The following HDAC4 variants were observed in gnomAD, a reference collection of about 807,000 sequenced individuals.
The protein encoded by HDAC4 is histone deacetylase A.
HDAC4 carries 16 observed loss-of-function variants against 135.1 expected under a neutral mutation model. The observed-to-expected ratio is 0.12, with a 90% CI of 0.08 to 0.18. The LOEUF is 0.18. Among genes scored for constraint, HDAC4 ranks in the 10% least tolerant of loss-of-function variants. The pLI is 1.00. For missense variants in HDAC4, 1,143 were observed against 1,511.8 expected (o/e 0.76, Z 4.05); for synonymous variants, 685 against 653.4 (o/e 1.05, Z -0.74).
intron 2 of HDAC4, among the ~76,000 whole-genome samples, chr2:239,265,721 G>A (rs558667769): frequency 1.8e-4 from 27 of 152,360 alleles, no homozygotes; most frequent in African/African-American, 5.8e-4. Flanking sequence ...GCAGGCTCAA[G>A]GTCAGCCAGC....
At chr2:239,272,092 G>C (rs927541775) in intron 2 of HDAC4, among the ~76,000 whole-genome samples, 2 of 152,198 alleles carry the variant, frequency 1.3e-5, no homozygotes, top group Admixed American at 6.5e-5. Flanking sequence ...AAACAACTGT[G>C]GGAAAAGCGA....
chr2:239,325,942 G>A (rs990133820), intron 2 of HDAC4, among the ~76,000 whole-genome samples: 4 of 151,976 alleles, frequency 2.6e-5, no homozygotes, highest in Non-Finnish European at 4.4e-5. Context: ...CTCCAGGCTG[G>A]GCAACAGAGT....
intron 8 of HDAC4, among the ~76,000 whole-genome samples, chr2:239,143,866 T>C (rs1465386170): frequency 6.6e-6 from 1 of 152,250 alleles, no homozygotes; most frequent in Non-Finnish European, 1.5e-5. Flanking sequence ...ACATGTCCGC[T>C]GCCTCCCCTC....
chr2:239,058,151 T>G (rs1041696499), intron 24 of HDAC4, among the ~76,000 whole-genome samples: 1 of 152,334 alleles, frequency 6.6e-6, no homozygotes, highest in Middle Eastern at 3.4e-3. Context: ...GGCTTTGGTT[T>G]GCATGGAGGT....
chr2:239,249,193 G>C (rs1196311750), intron 2 of HDAC4, among the ~76,000 whole-genome samples: 1 of 152,236 alleles, frequency 6.6e-6, no homozygotes, highest in Admixed American at 6.5e-5. Flanking sequence ...GCAAGGCCTG[G>C]GAGGGGAACA....
At chr2:239,053,391 T>C in intron 26 of HDAC4, 69 bp downstream of exon 26, 1 of 1,575,772 alleles carries the variant, frequency 6.3e-7, no homozygotes, top group Non-Finnish European at 8.6e-7. Flanking sequence ...GTTCTGACCC[T>C]GAATAGTGTG....
chr2:239,214,453 T>A (rs2046512721), intron 3 of HDAC4, among the ~76,000 whole-genome samples: 1 of 152,202 alleles, frequency 6.6e-6, no homozygotes, highest in Non-Finnish European at 1.5e-5. Flanking sequence ...CGGGTAAGGT[T>A]ACACAGTCAC....
In HDAC4 at chr2:239,066,806, A is replaced by G. The variant is rs370484792; in HGVS notation, c.2919T>C (p.Ile973=). Residue 973 remains isoleucine, a synonymous_variant, in exon 24 of 27, where the codon ATT becomes ATC. Transcript: ENST00000543185. ...KQLMGLAGGR[I]VLALEGGHDL... is the part of the protein sequence containing the mutation. ...CGTGGCCTCCCTCGAGGGCCAGGAC[A>G]ATCCGGCCGCCAGCCAGGCCCATCA... 1.2e-6 allele frequency: 2 copies of G among 1,613,336 alleles called. No individual in the cohort carries two copies. The highest frequency in any genetic ancestry group is 2.7e-5 in the African/African-American group (2 of 74,924).
At chr2:239,280,280 C>T (rs185995104) in intron 2 of HDAC4, among the ~76,000 whole-genome samples, 67 of 152,270 alleles carry the variant, frequency 4.4e-4, no homozygotes, top group Non-Finnish European at 8.7e-4. Context: ...CTCGTACTCC[C>T]GAGACGCTGT....
chr2:239,271,153 G>A (rs1023521920), intron 2 of HDAC4, among the ~76,000 whole-genome samples: 1 of 152,140 alleles, frequency 6.6e-6, no homozygotes, highest in African/African-American at 2.4e-5. Flanking sequence ...TGCTCCGGTT[G>A]CCCAGGCTGG....
At chr2:239,176,172 C>T (rs1460885090) in intron 5 of HDAC4, among the ~76,000 whole-genome samples, 4 of 152,030 alleles carry the variant, frequency 2.6e-5, no homozygotes, top group African/African-American at 7.2e-5. Flanking sequence ...GCCCCCACTC[C>T]CTCCCTCTGC....
At chr2:239,255,377 T>C (rs767176974) in intron 2 of HDAC4, among the ~76,000 whole-genome samples, 19 of 152,048 alleles carry the variant, frequency 1.2e-4, no homozygotes, top group South Asian at 2.1e-4. Context: ...AAGAACAACA[T>C]AGACCTTAAA....
Position 239,052,810 on chromosome 2 carries a change from T to G in HDAC4, c.*287A>C. 2.1e-6 allele frequency: 1 copy of G among 467,884 alleles called. No individual in the cohort carries two copies. Among genetic ancestry groups the G allele is most frequent in the South Asian group, 3.0e-5 (1 of 33,084 alleles). The allele number at this position is 467,884 out of a possible 1,614,324, so 29.0% of individuals were successfully genotyped here. A position where few individuals can be genotyped will look rare whatever the true frequency, so the allele number is the denominator to read the frequency against. On this transcript the variant is annotated 3_prime_UTR_variant, in exon 27 of 27. Transcript: ENST00000543185. ...GGCTCCTTTCTTCCACGGCGTCCCT[T>G]GCGGGACCCGCCAGAGTGTGCTTGG...
At chr2:239,282,763 A>G (rs2050877531) in intron 2 of HDAC4, among the ~76,000 whole-genome samples, 1 of 149,338 alleles carries the variant, frequency 6.7e-6, no homozygotes, top group African/African-American at 2.5e-5. Context: ...CAATGTACAC[A>G]CCACTCTACA....
intron 2 of HDAC4, among the ~76,000 whole-genome samples, chr2:239,241,688 C>A (rs1266909671): frequency 6.6e-6 from 1 of 152,148 alleles, no homozygotes; most frequent in Non-Finnish European, 1.5e-5. Context: ...TTGCAGTGTT[C>A]CCTTTTATAT....
chr2:239,164,483 G>A (rs745844055), intron 5 of HDAC4, among the ~76,000 whole-genome samples: 2 of 152,228 alleles, frequency 1.3e-5, no homozygotes, highest in African/African-American at 4.8e-5. Context: ...AAGTGGGACC[G>A]AAGTCGAAAC....
At chr2:239,204,305 C>A (rs1460952650) in intron 3 of HDAC4, among the ~76,000 whole-genome samples, 2 of 152,206 alleles carry the variant, frequency 1.3e-5, no homozygotes, top group Non-Finnish European at 1.5e-5. Flanking sequence ...TGTGCCCGGG[C>A]CACGGGCCCT....
chr2:239,336,289 A>G (rs1691935133), intron 2 of HDAC4, among the ~76,000 whole-genome samples: 1 of 152,234 alleles, frequency 6.6e-6, no homozygotes, highest in Admixed American at 6.5e-5. Context: ...CAATCTGGGT[A>G]GCAGTTACAG....
At chr2:239,398,923 C>A (rs1053666796) in intron 1 of HDAC4, among the ~76,000 whole-genome samples, 1 of 152,212 alleles carries the variant, frequency 6.6e-6, no homozygotes, top group Non-Finnish European at 1.5e-5. Flanking sequence ...TGAGTACAGC[C>A]GGCTTCTTTT....
Sources: gnomAD v4.1 joint callset for allele counts (sites outside exome capture counted in the v4.1 genomes callset) on GRCh38, gnomAD v4.1.1 for gene constraint, MANE v1.5 for transcripts, NCBI Gene and HGNC (gene_info 2026-07-23, HGNC 2026-07-21) for gene names.